Variants in PI4K2B observed in about 807,000 individuals in gnomAD.
PI4K2B encodes phosphatidylinositol 4-kinase type 2-beta.
PI4K2B carries 46 observed loss-of-function variants against 56.6 expected under a neutral mutation model. The observed-to-expected ratio is 0.81, with a 90% CI of 0.64 to 1.04. PI4K2B has a LOEUF of 1.04. Ranked by LOEUF, PI4K2B falls within the 50% of genes least tolerant of loss-of-function variation. PI4K2B has a pLI of 0.00. For missense variants in PI4K2B, 556 were observed against 607.7 expected, an observed-to-expected ratio of 0.91 and a Z score of 0.89; for synonymous variants, 211 against 223.8, an observed-to-expected ratio of 0.94 and a Z score of 0.51.
chr4:25,234,525 T>A, intron 1 of PI4K2B, 94 bp downstream of exon 1: 1 of 898,442 alleles, frequency 1.1e-6, no homozygotes, highest in Non-Finnish European at 1.5e-6. Context: ...CTGGCCGAGG[T>A]GGACGGGCTT....
intron 1 of PI4K2B, among the ~76,000 whole-genome samples, chr4:25,249,117 G>A (rs146366722): frequency 0.012 from 1,821 of 152,212 alleles, 52 homozygotes; most frequent in African/African-American, 0.041. Flanking sequence ...TTCAGAGAGC[G>A]CCGGGTTGGG....
intron 4 of PI4K2B, 76 bp from the exon 5 acceptor site, chr4:25,258,961 G>A: frequency 2.9e-6 from 2 of 696,876 alleles, no homozygotes; most frequent in Non-Finnish European, 4.7e-6. Context: ...TTTTTTGACA[G>A]TACTGCTGAG....
intron 1 of PI4K2B, among the ~76,000 whole-genome samples, chr4:25,245,393 A>G (rs1480930124): frequency 5.9e-5 from 9 of 152,150 alleles, no homozygotes; most frequent in Non-Finnish European, 1.2e-4. Context: ...TAGATGGGCA[A>G]ATCTCGCTTG....
intron 1 of PI4K2B, among the ~76,000 whole-genome samples, chr4:25,241,119 G>C (rs766939239): frequency 3.9e-5 from 6 of 152,244 alleles, no homozygotes; most frequent in Non-Finnish European, 8.8e-5. Context: ...TTCCCCCGGA[G>C]GTTAGGAACT....
At chr4:25,247,309 G>T (rs1285884772) in intron 1 of PI4K2B, among the ~76,000 whole-genome samples, 1 of 152,276 alleles carries the variant, frequency 6.6e-6, no homozygotes, top group Non-Finnish European at 1.5e-5. Flanking sequence ...GTGGCGGTGT[G>T]TTGGAGAGTA....
At chr4:25,263,990 G>T (rs1716575695) in intron 7 of PI4K2B, 141 bp downstream of exon 7, 1 of 495,166 alleles carries the variant, frequency 2.0e-6, no homozygotes, top group Admixed American at 3.7e-5. Context: ...AGGCATTAGG[G>T]ATGCAAATGT....
chr4:25,255,306 C>A (rs1716223132), intron 3 of PI4K2B, 41 bp downstream of exon 3: 1 of 1,476,730 alleles, frequency 6.8e-7, no homozygotes, highest in Non-Finnish European at 9.5e-7. Context: ...TTTTAATTTA[C>A]AACCTGCTTA....
At chr4:25,249,287 G>C (rs1017877022) in intron 1 of PI4K2B, among the ~76,000 whole-genome samples, 1 of 152,046 alleles carries the variant, frequency 6.6e-6, no homozygotes, top group African/African-American at 2.4e-5. Flanking sequence ...CGACAAAACC[G>C]CCATCGTCAT....
intron 7 of PI4K2B, among the ~76,000 whole-genome samples, chr4:25,264,177 T>G (rs1716581720): frequency 6.6e-6 from 1 of 152,202 alleles, no homozygotes; most frequent in Admixed American, 6.5e-5. Flanking sequence ...TTCGTTGTAT[T>G]CACTTCTAAA....
At chr4:25,255,368 C>G (rs1039643421) in intron 3 of PI4K2B, 103 bp downstream of exon 3, 30 of 996,486 alleles carry the variant, frequency 3.0e-5, no homozygotes, top group Non-Finnish European at 4.4e-5. Flanking sequence ...AAGTGGAGCC[C>G]CTTTTTTGGT....
intron 1 of PI4K2B, among the ~76,000 whole-genome samples, chr4:25,245,080 C>T (rs1715700225): frequency 1.3e-5 from 2 of 152,114 alleles, no homozygotes; most frequent in African/African-American, 2.4e-5. Context: ...CTGAGGCTCC[C>T]CATATCCTAG....
At chr4:25,249,973 C>T (rs567591131) in intron 1 of PI4K2B, among the ~76,000 whole-genome samples, 1 of 152,326 alleles carries the variant, frequency 6.6e-6, no homozygotes, top group African/African-American at 2.4e-5. Flanking sequence ...ATCCCGGCAC[C>T]TCGGGAGGCC....
intron 7 of PI4K2B, 52 bp downstream of exon 7, chr4:25,263,901 G>A (rs1278154259): frequency 3.9e-6 from 3 of 769,812 alleles, no homozygotes; most frequent in Non-Finnish European, 6.5e-6. Flanking sequence ...TTTCCAGAAT[G>A]AGAAGGGAAA....
At chr4:25,265,803 A>G (rs1236351233) in intron 7 of PI4K2B, among the ~76,000 whole-genome samples, 1 of 152,132 alleles carries the variant, frequency 6.6e-6, no homozygotes, top group Admixed American at 6.5e-5. Context: ...TATTTAGAGG[A>G]TAGTATTTGA....
Position 25,234,406 on chromosome 4 carries a change from G to C in PI4K2B, c.243G>C (p.Leu81=), listed in dbSNP as rs1025359714. 29 of 1,379,794 alleles carry C rather than the reference G, an allele frequency of 2.1e-5. No homozygotes were observed. In the African/African-American group the frequency reaches 4.4e-4, roughly 21 times the overall value. The allele number at this position is 1,379,794 out of a possible 1,614,324, so 85.5% of individuals were successfully genotyped here. ...VGVSRSSSAE[L]DRSRPAVSVT... is the part of the protein sequence containing the mutation. ...TCTCCCGGAGTTCGTCCGCCGAGCT[G>C]GACCGGAGCCGCCCCGCGGTTTCAG... The change falls in exon 1 of 10, where the codon CTG becomes CTC. Residue 81 remains leucine (L), a synonymous_variant. Transcript: ENST00000264864.
In PI4K2B at chr4:25,246,567, G is replaced by A. The variant is rs539951925; in HGVS notation, c.269-5754G>A. On this transcript the variant is annotated intron_variant, in intron 1 of 9. Coordinates refer to ENST00000264864, the MANE Select transcript of PI4K2B (RefSeq NM_018323.4). ...AAGAGCCCAGCTGGCTTCACCCAGT[G>A]GATCCCACACTGGGGCCACAGGTGG... 1.9e-4 allele frequency among the ~76,000 whole-genome samples: 29 copies of A among 152,356 alleles called. 1 individual carries two copies. In the South Asian group the frequency reaches 5.4e-3, roughly 28 times the overall value.
Position 25,263,809 on chromosome 4 carries a change from T to C in PI4K2B, c.1038T>C (p.Gly346=), listed in dbSNP as rs1317254154. The C allele has an allele frequency of 3.3e-6, 5 of 1,537,588 alleles. No homozygotes were observed. The highest frequency in any genetic ancestry group is 1.7e-5 in the Admixed American group (1 of 59,474). ...FLIKIAAIDN[G]LAFPFKHPDE... ...TTAAAATAGCTGCAATTGATAATGG[T>C]CTAGCATTTCCTTTTAAACATCCTG... The change falls in exon 7 of 10, where the codon GGT becomes GGC. Residue 346 remains glycine (G), a synonymous_variant. Transcript: ENST00000264864.
chr4:25,255,211 G>A lies in PI4K2B; in HGVS notation c.570G>A (p.Ala190=), dbSNP rs114373055. ...CTAATCAGGGGTACCTTTCCGAAGC[G>A]GGTGCCTATCTTGTGGACAACAAGC... ...LIPNQGYLSE[A]GAYLVDNKLH... The change falls in exon 3 of 10, where the codon GCG becomes GCA. Residue 190 remains alanine, a synonymous_variant. Coordinates refer to ENST00000264864, the MANE Select transcript of PI4K2B (RefSeq NM_018323.4). The A allele has an allele frequency of 2.0e-5, 33 of 1,614,008 alleles. No individual in the cohort carries two copies. Among genetic ancestry groups the A allele is most frequent in the East Asian group, 1.1e-4 (5 of 44,880 alleles).
intron 1 of PI4K2B, among the ~76,000 whole-genome samples, chr4:25,237,720 C>T (rs1715326369): frequency 6.6e-6 from 1 of 152,170 alleles, no homozygotes; most frequent in South Asian, 2.1e-4. Context: ...CGCCTGTAAT[C>T]CTAACACTTT....
Sources: allele counts gnomAD v4.1 joint callset (sites outside exome capture counted in the v4.1 genomes callset), GRCh38; gene constraint gnomAD v4.1.1; transcripts MANE v1.5; gene names NCBI Gene and HGNC (gene_info 2026-07-23, HGNC 2026-07-21).